The following CTTNBP2NL variants were observed in gnomAD, a reference collection of about 807,000 sequenced individuals.
CTTNBP2NL encodes CTTNBP2 N-terminal like.
In CTTNBP2NL, 16 loss-of-function variants were observed where a neutral mutation model predicts 32.5. The observed-to-expected ratio is 0.49, with a 90% CI of 0.33 to 0.75. The LOEUF (loss-of-function observed/expected upper bound fraction) is 0.75. Among genes scored for constraint, CTTNBP2NL ranks in the 30% least tolerant of loss-of-function variants. CTTNBP2NL has a pLI of 0.02. For missense variants in CTTNBP2NL, 645 were observed against 756.0 expected (o/e 0.85, Z 1.72); for synonymous variants, 298 against 289.4 (o/e 1.03, Z -0.30).
intron 4 of CTTNBP2NL, among the ~76,000 whole-genome samples, chr1:112,449,728 G>T (rs902444582): frequency 8.6e-4 from 25 of 28,972 alleles, no homozygotes; most frequent in African/African-American, 3.5e-3. Context: ...TTAGTGAGGG[G>T]TGTGTGTGTG....
At chr1:112,414,094 G>A (rs1302215239) in intron 2 of CTTNBP2NL, among the ~76,000 whole-genome samples, 1 of 151,596 alleles carries the variant, frequency 6.6e-6, no homozygotes, top group Non-Finnish European at 1.5e-5. Context: ...GGCCAGGTGT[G>A]GTGGCTCACA....
In CTTNBP2NL at chr1:112,452,317, C is replaced by T. The variant is rs149019788; in HGVS notation, c.331-2132C>T. On this transcript the variant is annotated intron_variant, in intron 4 of 5. Transcript: ENST00000271277. ...TAGTATCTGGGACTACAAGCATACACCACAGCACCAGTCTCTTCTTTTTTT... is the reference window on the plus strand; with the variant it reads ...TAGTATCTGGGACTACAAGCATACATCACAGCACCAGTCTCTTCTTTTTTT... Among the ~76,000 whole-genome samples, 821 of 147,758 alleles carry T rather than the reference C, an allele frequency of 5.6e-3. 4 individuals carry two copies. The highest frequency in any genetic ancestry group is 9.2e-3 in the Non-Finnish European group (618 of 67,372).
chr1:112,415,562 GT>G (rs34529523), intron 2 of CTTNBP2NL, among the ~76,000 whole-genome samples: 45,452 of 135,376 alleles, frequency 0.34, 7,970 homozygotes, highest in East Asian at 0.57. Context: ...TTTTTTTTTG[GT>G]TTTTTTTTTT....
intron 2 of CTTNBP2NL, among the ~76,000 whole-genome samples, chr1:112,415,573 T>C (rs1313136953): frequency 1.9e-5 from 2 of 107,380 alleles, no homozygotes; most frequent in Non-Finnish European, 4.5e-5. Context: ...TTTTTTTTTT[T>C]TGAGACAGAG....
In CTTNBP2NL at chr1:112,449,167, C is replaced by T. The variant is rs373235491; in HGVS notation, c.325C>T (p.Arg109Ter). The T allele has an allele frequency of 1.9e-6, 3 of 1,593,172 alleles. No homozygotes were observed. The highest frequency in any genetic ancestry group is 1.1e-5 in the South Asian group (1 of 90,458). ...SQLAAAESRH[R>*]KVILDLEEER... Reference sequence around the variant, plus strand: ...GCTGGCTGCTGCTGAGAGCAGGCACCGAAAGGTAGGTTCACCTCAGTTGAT... The same window carrying T: ...GCTGGCTGCTGCTGAGAGCAGGCACTGAAAGGTAGGTTCACCTCAGTTGAT... Residue 109 changes from arginine to a stop codon, truncating the protein, a stop_gained, in exon 4 of 6, where the codon CGA becomes TGA. Coordinates refer to ENST00000271277, the MANE Select transcript of CTTNBP2NL (RefSeq NM_018704.3). LOFTEE classifies it high-confidence loss of function.
chr1:112,434,135 C>T (rs1346568823), intron 3 of CTTNBP2NL, among the ~76,000 whole-genome samples: 1 of 152,174 alleles, frequency 6.6e-6, no homozygotes, highest in East Asian at 1.9e-4. Context: ...CCTGTCACAT[C>T]GTAACCTATT....
intron 3 of CTTNBP2NL, among the ~76,000 whole-genome samples, chr1:112,447,287 A>G (rs989815381): frequency 1.3e-5 from 2 of 151,138 alleles, no homozygotes; most frequent in Non-Finnish European, 3.0e-5. Context: ...AAAAAAAAAA[A>G]AAAAAAAAAA....
chr1:112,394,851 A>G (rs1339171965), upstream of CTTNBP2NL, among the ~76,000 whole-genome samples: 2 of 152,184 alleles, frequency 1.3e-5, no homozygotes. Flanking sequence ...ACTTTATTTG[A>G]CTTCTCTGAA....
intron 3 of CTTNBP2NL, among the ~76,000 whole-genome samples, chr1:112,428,171 T>C (rs1356013154): frequency 6.6e-6 from 1 of 152,164 alleles, no homozygotes; most frequent in African/African-American, 2.4e-5. Context: ...GTGTTAATAG[T>C]GGTTGGCCCT....
chr1:112,431,796 T>C (rs1376881899), intron 3 of CTTNBP2NL, among the ~76,000 whole-genome samples: 2 of 152,178 alleles, frequency 1.3e-5, no homozygotes, highest in Admixed American at 6.5e-5. Context: ...ATAATATCTA[T>C]GTAATTAGGT....
Position 112,456,948 on chromosome 1 carries a change from G to T in CTTNBP2NL, c.1456G>T (p.Asp486Tyr). ...ASGLQSPPSR[D>Y]LSPTLIDNSA... The stretch of plus-strand genomic sequence containing the variant: ...TGGCCTACAGAGCCCTCCATCCAGG[G>T]ATTTATCCCCCACCCTCATAGACAA... Residue 486 changes from aspartate (D) to tyrosine (Y), a missense_variant, in exon 6 of 6, where the codon GAT becomes TAT. Transcript: ENST00000271277. 1 of 1,614,044 alleles carries T rather than the reference G, an allele frequency of 6.2e-7. No individual in the cohort carries two copies. The highest frequency in any genetic ancestry group is 8.5e-7 in the Non-Finnish European group (1 of 1,180,028).
At chr1:112,433,873 T>G (rs182686154) in intron 3 of CTTNBP2NL, among the ~76,000 whole-genome samples, 2 of 152,040 alleles carry the variant, frequency 1.3e-5, no homozygotes, top group East Asian at 3.9e-4. Context: ...TACTCCATAA[T>G]ATACACTTAT....
chr1:112,407,585 A>G (rs1194710529), intron 1 of CTTNBP2NL, among the ~76,000 whole-genome samples: 1 of 152,154 alleles, frequency 6.6e-6, no homozygotes, highest in Admixed American at 6.5e-5. Context: ...AAAATCAGTC[A>G]CATTTTGAGG....
chr1:112,392,298 TC>T (rs1648207281), upstream of CTTNBP2NL, among the ~76,000 whole-genome samples: 1 of 152,210 alleles, frequency 6.6e-6, no homozygotes, highest in East Asian at 1.9e-4. Flanking sequence ...CTCGTGGAAT[TC>T]TTTTAAGGGT....
chr1:112,412,992 G>A (rs181300067), intron 2 of CTTNBP2NL, among the ~76,000 whole-genome samples: 1 of 152,260 alleles, frequency 6.6e-6, no homozygotes, highest in East Asian at 1.9e-4. Flanking sequence ...TATAAACACA[G>A]AGATAATAAA....
intron 1 of CTTNBP2NL, among the ~76,000 whole-genome samples, chr1:112,400,685 C>T (rs949263209): frequency 2.0e-5 from 3 of 151,776 alleles, no homozygotes; most frequent in African/African-American, 2.4e-5. Flanking sequence ...CCAGCTACTC[C>T]GGAGGCTGAG....
At chr1:112,399,745 T>C (rs1262487689) in intron 1 of CTTNBP2NL, among the ~76,000 whole-genome samples, 1 of 152,164 alleles carries the variant, frequency 6.6e-6, no homozygotes, top group African/African-American at 2.4e-5. Context: ...AGTGGCTTAT[T>C]AGCATGTTTT....
At chr1:112,446,558 T>G (rs930128113) in intron 3 of CTTNBP2NL, among the ~76,000 whole-genome samples, 1 of 152,148 alleles carries the variant, frequency 6.6e-6, no homozygotes, top group African/African-American at 2.4e-5. Context: ...TTTTATTTAT[T>G]TATGTATTTT....
intron 2 of CTTNBP2NL, among the ~76,000 whole-genome samples, chr1:112,414,020 C>G (rs1648978302): frequency 6.6e-6 from 1 of 151,548 alleles, no homozygotes; most frequent in African/African-American, 2.4e-5. Context: ...TGCTCTCCAG[C>G]CTGGGCAACA....
Sources: gnomAD v4.1 joint callset for allele counts (sites outside exome capture counted in the v4.1 genomes callset) on GRCh38, gnomAD v4.1.1 for gene constraint, MANE v1.5 for transcripts, NCBI Gene and HGNC (gene_info 2026-07-23, HGNC 2026-07-21) for gene names.